ARHGAP15: variants seen among roughly 807,000 people sequenced by gnomAD.
ARHGAP15 encodes Rho GTPase activating protein 15, also known as rho GTPase-activating protein 15.
A neutral mutation model predicts 63.7 loss-of-function variants in ARHGAP15; 51 were observed. That is an observed-to-expected ratio of 0.80 (90% CI 0.64 to 1.01). The LOEUF (loss-of-function observed/expected upper bound fraction) is 1.01. Among genes scored for constraint, ARHGAP15 ranks in the 50% least tolerant of loss-of-function variants. The probability of loss-of-function intolerance (pLI) is 0.00; values close to 1 mark genes in which losing one functional copy is unlikely to be tolerated. For missense variants in ARHGAP15, 560 were observed against 564.6 expected, an observed-to-expected ratio of 0.99 and a Z score of 0.08; for synonymous variants, 191 against 193.8, an observed-to-expected ratio of 0.99 and a Z score of 0.12.
chr2:143,360,222 A>C (rs973499474), intron 6 of ARHGAP15, among the ~76,000 whole-genome samples: 9 of 149,492 alleles, frequency 6.0e-5, no homozygotes, highest in Non-Finnish European at 1.3e-4. Context: ...AAGGAATTAA[A>C]AAAAAAAAAA....
At chr2:143,281,279 A>C (rs930039042) in intron 6 of ARHGAP15, among the ~76,000 whole-genome samples, 1 of 152,174 alleles carries the variant, frequency 6.6e-6, no homozygotes, top group African/African-American at 2.4e-5. Context: ...AAATACATCA[A>C]ATATATACAT....
rs202115707 is a variant in ARHGAP15, at chr2:143,467,242, C to CTTT, written c.704-20110_704-20108dup. Among the ~76,000 whole-genome samples the CTTT allele has an allele frequency of 7.1e-3, 412 of 57,810 alleles. 10 individuals are homozygous for CTTT. The highest frequency in any genetic ancestry group is 0.012 in the African/African-American group (154 of 13,224). 37.9% of individuals were successfully genotyped at this position (57,810 alleles called of 152,430 possible). On this transcript the variant is annotated intron_variant, in intron 8 of 13. Transcript: ENST00000295095. ...TCATGCTATTCAATTACTCCATGGCCTTTTTTTTTTTTTTTTTTTTTTTGC... is the reference window on the plus strand; with the variant it reads ...TCATGCTATTCAATTACTCCATGGCCTTTTTTTTTTTTTTTTTTTTTTTTTTGC...
chr2:143,529,208 AT>A (rs1425348135), intron 10 of ARHGAP15, among the ~76,000 whole-genome samples: 1 of 152,058 alleles, frequency 6.6e-6, no homozygotes, highest in South Asian at 2.1e-4. Context: ...TACAATCTAT[AT>A]TCCCCATTGC....
chr2:143,462,193 A>G (rs1422421559), intron 8 of ARHGAP15, among the ~76,000 whole-genome samples: 1 of 152,132 alleles, frequency 6.6e-6, no homozygotes, highest in Admixed American at 6.5e-5. Context: ...CCAGGTGCAC[A>G]TGATATGTAA....
intron 12 of ARHGAP15, among the ~76,000 whole-genome samples, chr2:143,649,257 G>A (rs1483361952): frequency 6.6e-6 from 1 of 151,946 alleles, no homozygotes; most frequent in Non-Finnish European, 1.5e-5. Flanking sequence ...GCAAGACACT[G>A]AAAGTCAGAT....
At chr2:143,185,094 G>A (rs930785456) in intron 2 of ARHGAP15, among the ~76,000 whole-genome samples, 2 of 152,008 alleles carry the variant, frequency 1.3e-5, no homozygotes, top group Non-Finnish European at 2.9e-5. Flanking sequence ...ATAGTGCTCT[G>A]CTTTCACAAA....
Position 143,220,789 on chromosome 2 carries a change from C to G in ARHGAP15, c.296+4344C>G, listed in dbSNP as rs190141330. On this transcript the variant is annotated intron_variant, in intron 4 of 13. Coordinates refer to ENST00000295095, the MANE Select transcript of ARHGAP15 (RefSeq NM_018460.4). ...AGCCTTCATTTCATTTATCAAGGACCTTTGTATCTTTTATAAATTTTAATG... is the reference window on the plus strand; with the variant it reads ...AGCCTTCATTTCATTTATCAAGGACGTTTGTATCTTTTATAAATTTTAATG... Among the ~76,000 whole-genome samples the G allele has an allele frequency of 2.5e-4, 38 of 152,122 alleles. No individual in the cohort carries two copies. In the East Asian group the frequency reaches 5.0e-3, roughly 20 times the overall value.
Position 143,281,723 on chromosome 2 carries a change from A to C in ARHGAP15, c.474+31123A>C, listed in dbSNP as rs548550714. Among the ~76,000 whole-genome samples, 16 of 152,236 alleles carry C rather than the reference A, an allele frequency of 1.1e-4. 1 individual carries two copies. In the South Asian group the frequency reaches 1.9e-3, roughly 18 times the overall value. On this transcript the variant is annotated intron_variant, in intron 6 of 13. Coordinates refer to ENST00000295095, the MANE Select transcript of ARHGAP15 (RefSeq NM_018460.4). ...ACCCTCACACTTTATTAAAATGTAC[A>C]TGTGTTGCAGATACCTCATCTTCAT...
intron 4 of ARHGAP15, among the ~76,000 whole-genome samples, chr2:143,216,975 C>G (rs549459823): frequency 6.6e-5 from 10 of 152,142 alleles, no homozygotes; most frequent in African/African-American, 2.4e-4. Flanking sequence ...GTTGATAGGA[C>G]GGTAAAGAAA....
intron 10 of ARHGAP15, among the ~76,000 whole-genome samples, chr2:143,550,294 T>C (rs1295035982): frequency 6.6e-6 from 1 of 152,130 alleles, no homozygotes; most frequent in Non-Finnish European, 1.5e-5. Flanking sequence ...CTGAAATAAA[T>C]ACTCAAGTCA....
intron 3 of ARHGAP15, among the ~76,000 whole-genome samples, chr2:143,213,211 G>A (rs1426730642): frequency 6.6e-6 from 1 of 152,100 alleles, no homozygotes; most frequent in Admixed American, 6.6e-5. Flanking sequence ...TGTACATCAA[G>A]TATTAAAAAG....
chr2:143,372,764 G>C (rs6707980), intron 6 of ARHGAP15, among the ~76,000 whole-genome samples: 1 of 152,044 alleles, frequency 6.6e-6, no homozygotes, highest in East Asian at 1.9e-4. Context: ...TTTGATTTCA[G>C]TGTTATGTCA....
At chr2:143,658,908 C>T (rs1395694505) in intron 12 of ARHGAP15, among the ~76,000 whole-genome samples, 1 of 152,120 alleles carries the variant, frequency 6.6e-6, no homozygotes, top group Non-Finnish European at 1.5e-5. Flanking sequence ...GGACTGAGTT[C>T]GGCTAATGAT....
At chr2:143,176,263 T>C (rs1474805612) in intron 2 of ARHGAP15, among the ~76,000 whole-genome samples, 1 of 152,198 alleles carries the variant, frequency 6.6e-6, no homozygotes, top group Non-Finnish European at 1.5e-5. Context: ...TTTTATATTA[T>C]TCACCTATAT....
chr2:143,670,804 A>ATATT (rs1650267704), intron 12 of ARHGAP15, among the ~76,000 whole-genome samples: 1 of 152,218 alleles, frequency 6.6e-6, no homozygotes, highest in Non-Finnish European at 1.5e-5. Context: ...TTCTAAGTAT[A>ATATT]TATTTTAAGG....
intron 10 of ARHGAP15, among the ~76,000 whole-genome samples, chr2:143,552,341 A>G (rs553293384): frequency 3.3e-5 from 5 of 152,304 alleles, no homozygotes; most frequent in African/African-American, 1.2e-4. Flanking sequence ...GTTTTCAACT[A>G]TTTTTAACAG....
intron 2 of ARHGAP15, among the ~76,000 whole-genome samples, chr2:143,174,679 A>T (rs968404706): frequency 6.6e-6 from 1 of 152,152 alleles, no homozygotes; most frequent in African/African-American, 2.4e-5. Flanking sequence ...GATAGAAATT[A>T]TGCAGCACTT....
At chr2:143,361,183 T>A (rs1343763) in intron 6 of ARHGAP15, among the ~76,000 whole-genome samples, 105,561 of 151,830 alleles carry the variant, frequency 0.7, 37,913 homozygotes, top group East Asian at 0.88. Context: ...AAATTTTTTT[T>A]AAATGTACTC....
At chr2:143,314,451 C>G (rs970422910) in intron 6 of ARHGAP15, 1 of 152,176 alleles carries the variant, frequency 6.6e-6, no homozygotes, top group Non-Finnish European at 1.5e-5. Flanking sequence ...GATTGTCACT[C>G]GATCTCTTGG....
Sources: allele counts gnomAD v4.1 joint callset (sites outside exome capture counted in the v4.1 genomes callset), GRCh38; gene constraint gnomAD v4.1.1; transcripts MANE v1.5; gene names NCBI Gene and HGNC (gene_info 2026-07-23, HGNC 2026-07-21).